The following MACF1 variants were observed in gnomAD, a reference collection of about 807,000 sequenced individuals.
The protein encoded by MACF1 is microtubule actin crosslinking factor 1, also known as microtubule-actin cross-linking factor 1.
In MACF1, 193 loss-of-function variants were observed where a neutral mutation model predicts 854.8. The ratio of observed to expected loss-of-function variants is 0.23; its 90% confidence interval spans 0.20 to 0.25. MACF1 has a LOEUF of 0.25. MACF1 is among the 10% of genes least tolerant of loss of function. The pLI is 1.00. For synonymous variants in MACF1, 3,185 were observed against 3,226.7 expected (o/e 0.99, Z 0.44); for missense variants, 7,722 against 8,929.1 (o/e 0.86, Z 5.45).
At chr1:39,426,355 C>A (rs1161949629) in intron 61 of MACF1, among the ~76,000 whole-genome samples, 2 of 152,136 alleles carry the variant, frequency 1.3e-5, no homozygotes, top group Non-Finnish European at 2.9e-5. Context: ...GCATAACTAG[C>A]ATAGGACCTG....
chr1:39,154,735 A>G (rs1643649112), intron 2 of MACF1, among the ~76,000 whole-genome samples: 1 of 151,354 alleles, frequency 6.6e-6, no homozygotes, highest in Non-Finnish European at 1.5e-5. Flanking sequence ...TTTTTTTTTA[A>G]CAGCCATCCT....
chr1:39,465,534 T>A (rs1281242448), intron 95 of MACF1, among the ~76,000 whole-genome samples: 1 of 152,252 alleles, frequency 6.6e-6, no homozygotes, highest in Non-Finnish European at 1.5e-5. Context: ...ATATTTGTAG[T>A]TACTTATATT....
intron 66 of MACF1, 46 bp from the exon 67 acceptor site, chr1:39,432,489 C>G: frequency 1.9e-6 from 3 of 1,598,926 alleles, no homozygotes; most frequent in Non-Finnish European, 2.6e-6. Flanking sequence ...TATGTGGAGA[C>G]TTGGCTGTAT....
At chr1:39,133,913 A>C (rs965983660) in intron 2 of MACF1, among the ~76,000 whole-genome samples, 2 of 151,660 alleles carry the variant, frequency 1.3e-5, no homozygotes, top group East Asian at 3.9e-4. Flanking sequence ...GTAGGTTATG[A>C]GAAGTTTCAT....
rs192067589 is a variant in MACF1, at chr1:39,285,234, T to A, written c.1259+24T>A. 314 of 1,614,148 alleles carry A rather than the reference T, an allele frequency of 1.9e-4. 1 individual carries two copies. The African/African-American group carries it at 3.0e-3, about 15-fold the overall frequency. On this transcript the variant is annotated intron_variant, in intron 12 of 100. Coordinates refer to ENST00000564288, the MANE Select transcript of MACF1 (RefSeq NM_001394062.1). ...AGGTGGGTCCAGATCCTGAGAGTGG[T>A]CTGACATTATTTATTGAGCTGCTGT...
At chr1:39,301,836 G>A (rs1405877459) in intron 22 of MACF1, among the ~76,000 whole-genome samples, 3 of 151,942 alleles carry the variant, frequency 2.0e-5, no homozygotes, top group African/African-American at 7.3e-5. Flanking sequence ...TTAAGTTCTT[G>A]AGTAATCTGT....
chr1:39,227,220 T>A (rs1644727001), intron 1 of MACF1, among the ~76,000 whole-genome samples: 1 of 152,194 alleles, frequency 6.6e-6, no homozygotes, highest in African/African-American at 2.4e-5. Flanking sequence ...GGCATGGTTT[T>A]GAGGTTTTTA....
intron 6 of MACF1, among the ~76,000 whole-genome samples, chr1:39,258,779 G>GTT (rs1645124941): frequency 6.6e-6 from 1 of 152,224 alleles, no homozygotes; most frequent in Non-Finnish European, 1.5e-5. Flanking sequence ...ATAGAAGGCA[G>GTT]GGTGCCGACT....
At chr1:39,285,890 T>TG in intron 14 of MACF1, 132 bp downstream of exon 14, 2 of 949,498 alleles carry the variant, frequency 2.1e-6, no homozygotes, top group Non-Finnish European at 3.1e-6. Context: ...ATGGGGATAC[T>TG]ACAGGTCTCT....
intron 97 of MACF1, among the ~76,000 whole-genome samples, chr1:39,470,137 A>C (rs1190642968): frequency 2.6e-5 from 4 of 152,236 alleles, no homozygotes; most frequent in Non-Finnish European, 5.9e-5. Context: ...TTTATTTATA[A>C]ACCTAGCAGA....
intron 2 of MACF1, among the ~76,000 whole-genome samples, chr1:39,193,659 T>A (rs1203794698): frequency 6.6e-6 from 1 of 152,196 alleles, no homozygotes; most frequent in Non-Finnish European, 1.5e-5. Flanking sequence ...TATCCCTTTT[T>A]GACATGAGAT....
intron 2 of MACF1, among the ~76,000 whole-genome samples, chr1:39,113,405 C>T (rs1420003844): frequency 6.6e-6 from 1 of 152,208 alleles, no homozygotes; most frequent in Non-Finnish European, 1.5e-5. Context: ...CAAGCCCTTT[C>T]CTTTCATCAA....
In MACF1 at chr1:39,477,153, CAGAT is replaced by C. The variant is rs1197488020; in HGVS notation, c.21959-2644_21959-2641del. Among the ~76,000 whole-genome samples the C allele has an allele frequency of 1.7e-5, 2 of 119,246 alleles. 1 individual carries two copies. Among genetic ancestry groups the C allele is most frequent in the African/African-American group, 5.8e-5 (2 of 34,744 alleles). 78.2% of individuals were successfully genotyped at this position (119,246 alleles called of 152,430 possible). On this transcript the variant is annotated intron_variant, in intron 97 of 100. Transcript: ENST00000564288. ...ATATATATACACACACACACACACA[CAGAT>C]GTGCAAAGGAGTAAGACACACCATT...
chr1:39,257,647 A>G (rs1348199117), intron 5 of MACF1: 1 of 316,846 alleles, frequency 3.2e-6, no homozygotes, highest in Admixed American at 5.0e-5. Context: ...TTTATCCAAC[A>G]CTCTGGAAAA....
Position 39,380,213 on chromosome 1 carries a change from C to T in MACF1, c.13519-31C>T, listed in dbSNP as rs758929113. ...CACAACTTTGTTTCCTGTCCAGAATCTCATGGCATGCATGGCATTCTTTCT... is the reference window on the plus strand; with the variant it reads ...CACAACTTTGTTTCCTGTCCAGAATTTCATGGCATGCATGGCATTCTTTCT... On this transcript the variant is annotated intron_variant, in intron 54 of 100. Coordinates refer to ENST00000564288, the MANE Select transcript of MACF1 (RefSeq NM_001394062.1). 2.5e-6 allele frequency: 4 copies of T among 1,606,146 alleles called. No homozygotes were observed. In the South Asian group the frequency reaches 3.3e-5, roughly 13 times the overall value.
intron 1 of MACF1, among the ~76,000 whole-genome samples, chr1:39,224,744 C>A (rs1644693097): frequency 6.6e-6 from 1 of 152,018 alleles, no homozygotes; most frequent in South Asian, 2.1e-4. Flanking sequence ...CAAAGAGATC[C>A]AGATTTTAGG....
chr1:39,253,667 C>T (rs1002708632), intron 4 of MACF1, among the ~76,000 whole-genome samples: 2 of 151,988 alleles, frequency 1.3e-5, no homozygotes, highest in African/African-American at 2.4e-5. Flanking sequence ...GCATGTGCCA[C>T]CACGCCCGGC....
chr1:39,145,325 A>AT, intron 2 of MACF1, among the ~76,000 whole-genome samples: 1 of 152,174 alleles, frequency 6.6e-6, no homozygotes, highest in East Asian at 1.9e-4. Flanking sequence ...TTACGTCTCA[A>AT]TTTATCTGTA....
chr1:39,261,665 G>A (rs1246840710), intron 6 of MACF1, among the ~76,000 whole-genome samples: 1 of 152,066 alleles, frequency 6.6e-6, no homozygotes, highest in Non-Finnish European at 1.5e-5. Context: ...TGAATATTCT[G>A]TTGTATGGAT....
Sources: gnomAD v4.1 joint callset for allele counts (sites outside exome capture counted in the v4.1 genomes callset) on GRCh38, gnomAD v4.1.1 for gene constraint, MANE v1.5 for transcripts, NCBI Gene and HGNC (gene_info 2026-07-23, HGNC 2026-07-21) for gene names.